The following SYN3 variants were observed in gnomAD, a reference collection of about 807,000 sequenced individuals.
SYN3 encodes the protein synapsin III.
Under a neutral mutation model 65.8 loss-of-function variants are expected in SYN3, and 35 were observed. The ratio of observed to expected loss-of-function variants is 0.53; its 90% CI spans 0.41 to 0.70. SYN3 has a LOEUF of 0.70. Among genes scored for constraint, SYN3 ranks in the 30% least tolerant of loss-of-function variants. SYN3 has a pLI of 0.00. For missense variants in SYN3, 680 were observed against 749.0 expected (o/e 0.91, Z 1.08); for synonymous variants, 270 against 292.9 (o/e 0.92, Z 0.80).
rs2059205973 is a variant in SYN3, at chr22:32,596,728, G to A, written c.720C>T (p.Ala240=). The A allele has an allele frequency of 2.5e-6, 4 of 1,613,760 alleles. No individual in the cohort carries two copies. The highest frequency in any genetic ancestry group is 3.4e-6 in the Non-Finnish European group (4 of 1,179,900). ...GCTTGACTACCACCGGGAAGTGTGG[G>A]GCTGTGACCTGAAAGAGACAAGAAG... The part of the protein sequence containing the change: ...FFPNHKPMVT[A]PHFPVVVKLG... The change falls in exon 7 of 14, where the codon GCC becomes GCT. Residue 240 remains alanine, a synonymous_variant. Coordinates refer to ENST00000358763, the MANE Select transcript of SYN3 (RefSeq NM_003490.4).
chr22:32,987,111 T>G (rs1467993741), intron 2 of SYN3, among the ~76,000 whole-genome samples: 1 of 152,058 alleles, frequency 6.6e-6, no homozygotes, highest in Non-Finnish European at 1.5e-5. Flanking sequence ...CAGCCAGGGC[T>G]TGGTGATGTC....
intron 6 of SYN3, among the ~76,000 whole-genome samples, chr22:32,643,953 C>G (rs1051944965): frequency 6.6e-6 from 1 of 150,878 alleles, no homozygotes; most frequent in African/African-American, 2.4e-5. Context: ...TAGCTGGGCA[C>G]CTGTAATCCC....
chr22:32,944,677 T>C lies in SYN3; in HGVS notation c.370-13196A>G, dbSNP rs987919755. Among the ~76,000 whole-genome samples the C allele has an allele frequency of 3.9e-5, 6 of 152,278 alleles. 1 individual carries two copies. The stretch of plus-strand genomic sequence containing the variant: ...CTCACCACTCCTATTCAACACAGTG[T>C]TGGAAGTTCTGGCCAGGGCAATCAG... On this transcript the variant is annotated intron_variant, in intron 3 of 13. Coordinates refer to ENST00000358763, the MANE Select transcript of SYN3 (RefSeq NM_003490.4).
chr22:32,744,816 A>C (rs966125457), intron 6 of SYN3, among the ~76,000 whole-genome samples: 8 of 152,220 alleles, frequency 5.3e-5, no homozygotes, highest in Non-Finnish European at 1.2e-4. Flanking sequence ...TTGCCCACGC[A>C]GCAGGGTGGT....
At chr22:32,949,593 A>G (rs992228553) in intron 3 of SYN3, among the ~76,000 whole-genome samples, 1 of 152,266 alleles carries the variant, frequency 6.6e-6, no homozygotes, top group South Asian at 2.1e-4. Context: ...GATGGAATGC[A>G]TTCAATTTCC....
intron 7 of SYN3, among the ~76,000 whole-genome samples, chr22:32,553,537 G>C (rs965882062): frequency 3.3e-5 from 5 of 152,198 alleles, no homozygotes; most frequent in Admixed American, 3.3e-4. Flanking sequence ...AGTCTGAAAT[G>C]AATCAAGAAG....
intron 6 of SYN3, among the ~76,000 whole-genome samples, chr22:32,829,801 C>T (rs1421094668): frequency 6.6e-6 from 1 of 152,250 alleles, no homozygotes; most frequent in Admixed American, 6.5e-5. Context: ...GGTTTGTCAG[C>T]GGGCTTCACC....
rs1399207543 is a variant in SYN3 at position 32,508,579 on chromosome 22, T to G, written c.*5113A>C. ...CTTCAGATTCAGTTTGGAAGAGGTC[T>G]TTTTGAGGTTGAAAACCTGCCATTG... is the stretch of plus-strand genomic sequence containing the variant. On this transcript the variant is annotated 3_prime_UTR_variant, in exon 14 of 14. Coordinates refer to ENST00000358763, the MANE Select transcript of SYN3 (RefSeq NM_003490.4). 2.6e-5 allele frequency among the ~76,000 whole-genome samples: 4 copies of G among 152,186 alleles called. No homozygotes were observed. The highest frequency in any genetic ancestry group is 5.9e-5 in the Non-Finnish European group (4 of 68,020).
At chr22:32,763,718 G>A (rs975765058) in intron 6 of SYN3, among the ~76,000 whole-genome samples, 8 of 152,092 alleles carry the variant, frequency 5.3e-5, no homozygotes, top group Non-Finnish European at 1.2e-4. Flanking sequence ...TGCCTTAGTA[G>A]GAAACTTTTT....
At chr22:32,556,869 G>C (rs1282062526) in intron 7 of SYN3, among the ~76,000 whole-genome samples, 3 of 135,796 alleles carry the variant, frequency 2.2e-5, no homozygotes, top group Non-Finnish European at 4.6e-5. Flanking sequence ...GTGTTGCCCA[G>C]GCTGGTCTCG....
intron 1 of SYN3, among the ~76,000 whole-genome samples, chr22:33,050,479 C>CAA (rs58653594): frequency 5.5e-4 from 60 of 108,496 alleles, no homozygotes; most frequent in African/African-American, 1.8e-3. Flanking sequence ...GAGACTGTTT[C>CAA]AAAAAAAAAA....
At chr22:32,712,721 T>G (rs977582713) in intron 6 of SYN3, among the ~76,000 whole-genome samples, 3 of 152,168 alleles carry the variant, frequency 2.0e-5, no homozygotes, top group African/African-American at 7.2e-5. Context: ...TCCTCCCCTT[T>G]GCCCCTTTCT....
intron 6 of SYN3, among the ~76,000 whole-genome samples, chr22:32,660,136 C>T (rs979754721): frequency 3.2e-4 from 48 of 152,300 alleles, no homozygotes; most frequent in African/African-American, 7.9e-4. Flanking sequence ...CCTCCTGGAT[C>T]TGCTGCTAGA....
In SYN3 at chr22:32,570,830, A is replaced by T. The variant is rs527864801; in HGVS notation, c.774+25844T>A. Among the ~76,000 whole-genome samples, 5 of 152,232 alleles carry T rather than the reference A, an allele frequency of 3.3e-5. No homozygotes were observed. The South Asian group carries it at 1.0e-3, about 32-fold the overall frequency. On this transcript the variant is annotated intron_variant, in intron 7 of 13. Transcript: ENST00000358763. ...ACTGGGATGCTGACTTCTCTCTACC[A>T]GTGACCCACAATGCGTGACACTGGT...
At chr22:32,846,187 C>G (rs1221842900) in intron 6 of SYN3, among the ~76,000 whole-genome samples, 2 of 152,132 alleles carry the variant, frequency 1.3e-5, no homozygotes, top group Non-Finnish European at 2.9e-5. Context: ...TCTTAGTAGG[C>G]AATTCTTGGG....
intron 6 of SYN3, among the ~76,000 whole-genome samples, chr22:32,659,293 A>G (rs1269047597): frequency 6.6e-6 from 1 of 152,194 alleles, no homozygotes; most frequent in Non-Finnish European, 1.5e-5. Flanking sequence ...GGCACAGGAA[A>G]GAGGGAAAAT....
At chr22:32,821,137 T>C (rs573122007) in intron 6 of SYN3, among the ~76,000 whole-genome samples, 1 of 152,076 alleles carries the variant, frequency 6.6e-6, no homozygotes, top group Non-Finnish European at 1.5e-5. Context: ...TCAAAAGAGA[T>C]GAACTTAGAG....
chr22:32,940,487 T>A (rs1292025954), intron 3 of SYN3, among the ~76,000 whole-genome samples: 1 of 152,206 alleles, frequency 6.6e-6, no homozygotes. Flanking sequence ...TAGAAGCTTC[T>A]CTGTTGAGTA....
At chr22:32,874,938 A>G (rs1231871670) in intron 4 of SYN3, among the ~76,000 whole-genome samples, 2 of 152,224 alleles carry the variant, frequency 1.3e-5, no homozygotes, top group East Asian at 3.8e-4. Context: ...GGGAGGGGGA[A>G]TTCAAAACAT....
Sources: allele counts gnomAD v4.1 joint callset (sites outside exome capture counted in the v4.1 genomes callset), GRCh38; gene constraint gnomAD v4.1.1; transcripts MANE v1.5; gene names NCBI Gene and HGNC (gene_info 2026-07-23, HGNC 2026-07-21).